The following BEND3 variants were observed in gnomAD, a reference collection of about 807,000 sequenced individuals.
BEND3 encodes BEN domain containing 3, also known as BEN domain-containing protein 3.
BEND3 carries 13 observed loss-of-function variants against 60.1 expected under a neutral mutation model. That is an observed-to-expected ratio of 0.22 (90% confidence interval 0.14 to 0.34). BEND3 has a LOEUF of 0.34. Among genes scored for constraint, BEND3 ranks in the 10% least tolerant of loss-of-function variants. The probability of loss-of-function intolerance (pLI) is 1.00; values close to 1 mark genes in which losing one functional copy is unlikely to be tolerated. For missense variants in BEND3, 896 were observed against 1,138.1 expected (o/e 0.79, Z 3.06); for synonymous variants, 497 against 491.5 (o/e 1.01, Z -0.15).
chr6:107,090,303 C>T (rs1554234980), intron 3 of BEND3, among the ~76,000 whole-genome samples: 1 of 152,036 alleles, frequency 6.6e-6, no homozygotes, highest in Non-Finnish European at 1.5e-5. Flanking sequence ...GAGCCAAGAT[C>T]GCACCACTGC....
At chr6:107,081,966 G>A (rs974874004) in intron 3 of BEND3, among the ~76,000 whole-genome samples, 1 of 152,118 alleles carries the variant, frequency 6.6e-6, no homozygotes, top group Non-Finnish European at 1.5e-5. Context: ...ACAACCTGAT[G>A]TACACATGGA....
chr6:107,096,729 T>C (rs1554235996), intron 3 of BEND3, among the ~76,000 whole-genome samples: 1 of 152,242 alleles, frequency 6.6e-6, no homozygotes, highest in Non-Finnish European at 1.5e-5. Context: ...GAGCTACTGC[T>C]AATGGGCAGG....
intron 1 of BEND3, among the ~76,000 whole-genome samples, chr6:107,110,369 G>A (rs1427032049): frequency 1.3e-5 from 2 of 152,234 alleles, no homozygotes; most frequent in Non-Finnish European, 1.5e-5. Context: ...TTTGACATGT[G>A]TGGGGAACTT....
chr6:107,111,528 G>GGA (rs1770088965), intron 1 of BEND3, among the ~76,000 whole-genome samples: 1 of 151,788 alleles, frequency 6.6e-6, no homozygotes, highest in East Asian at 1.9e-4. Context: ...AAAAAAGAGA[G>GGA]AGATAACACA....
chr6:107,088,506 G>A (rs932137857), intron 3 of BEND3, among the ~76,000 whole-genome samples: 5 of 151,832 alleles, frequency 3.3e-5, no homozygotes, highest in Non-Finnish European at 5.9e-5. Flanking sequence ...CATGATACAC[G>A]AGAAACAAAA....
In BEND3 at chr6:107,098,674, A is replaced by C; in HGVS notation, c.117T>G (p.Ser39=). 1.2e-6 allele frequency: 2 copies of C among 1,614,132 alleles called. No homozygotes were observed. Among genetic ancestry groups the C allele is most frequent in the Non-Finnish European group, 1.7e-6 (2 of 1,180,030 alleles). The change falls in exon 3 of 4, where the codon TCT becomes TCG. Residue 39 remains serine (S), a synonymous_variant. Transcript: ENST00000369042. ...ALDCSVNSRT[S]EKHSVDSVLT... The stretch of plus-strand genomic sequence containing the variant: ...GGACGCTGTCCACAGAGTGCTTCTC[A>C]GAAGTCCTGGAATTCACGGAGCAGT...
chr6:107,104,422 T>C (rs1390244839), intron 1 of BEND3, among the ~76,000 whole-genome samples: 1 of 152,204 alleles, frequency 6.6e-6, no homozygotes, highest in Non-Finnish European at 1.5e-5. Context: ...TTTCCCCATT[T>C]TTTACCAGGT....
At chr6:107,113,578 A>G (rs1770173804) in intron 1 of BEND3, among the ~76,000 whole-genome samples, 1 of 152,056 alleles carries the variant, frequency 6.6e-6, no homozygotes, top group African/African-American at 2.4e-5. Context: ...AGAATCCAAG[A>G]GGCTCTCTCC....
chr6:107,103,959 A>AAAAAGAAAG (rs1554237041), intron 1 of BEND3, among the ~76,000 whole-genome samples: 1 of 107,838 alleles, frequency 9.3e-6, no homozygotes, highest in Non-Finnish European at 1.9e-5. Flanking sequence ...AAAAAAAAAA[A>AAAAAGAAAG]AAAGAAAGAA....
rs984960832 is a variant in BEND3, at chr6:107,068,860, C to T, written c.2331G>A (p.Leu777=). The T allele has an allele frequency of 1.9e-6, 3 of 1,613,562 alleles. No individual in the cohort carries two copies. The African/African-American group carries it at 4.0e-5, about 22-fold the overall frequency. ...CTTCCACGTAGTGGCGGATGAGCCG[C>T]AGCCGCGTGGGGTCCAGTTGCTTCT... The part of the protein sequence containing the change: ...CNKKQLDPTR[L]RLIRHYVEAV... Residue 777 remains leucine (L), a synonymous_variant, in exon 4 of 4, where the codon CTG becomes CTA. Coordinates refer to ENST00000369042, the MANE Select transcript of BEND3 (RefSeq NM_001367314.1). This position sits in a 1 kb window ranked among gnomAD's most constrained non-coding sequence, Gnocchi z 5.8.
rs782606349 is a variant in BEND3, at chr6:107,070,699, G to A, written c.492C>T (p.Ser164=). ...ELFEKANASN[S]PSSLRLLNEP... ...CATTCAGGAGCCGCAGTGACGAGGGGCTGTTGCTGGCGTTTGCCTTCTCAA... is the reference window on the plus strand; with the variant it reads ...CATTCAGGAGCCGCAGTGACGAGGGACTGTTGCTGGCGTTTGCCTTCTCAA... Residue 164 remains serine, a synonymous_variant, in exon 4 of 4, where the codon AGC becomes AGT. Coordinates refer to ENST00000369042, the MANE Select transcript of BEND3 (RefSeq NM_001367314.1). This position sits in a 1 kb window ranked among gnomAD's most constrained non-coding sequence, Gnocchi z 6.9. 9.3e-6 allele frequency: 15 copies of A among 1,613,376 alleles called. No homozygotes were observed. The highest frequency in any genetic ancestry group is 2.2e-5 in the East Asian group (1 of 44,874).
chr6:107,098,056 TC>T (rs1554236243), intron 3 of BEND3, among the ~76,000 whole-genome samples: 1 of 152,074 alleles, frequency 6.6e-6, no homozygotes, highest in African/African-American at 2.4e-5. Context: ...ACGCCTGTAA[TC>T]CCAGCACTTT....
chr6:107,095,776 A>G (rs1775573635), intron 3 of BEND3, among the ~76,000 whole-genome samples: 2 of 152,248 alleles, frequency 1.3e-5, no homozygotes, highest in Admixed American at 1.3e-4. Context: ...ATTGCTAAGT[A>G]TAATAAACCA....
At position 107,070,559 on chromosome 6, in the gene BEND3, G is replaced by A; in HGVS notation, c.632C>T (p.Ser211Phe). ...YMLNTLTSNM[S>F]QLHSKVDLLS... ...CAGGTCCACCTTGCTGTGCAGCTGGGACATGTTGGACGTGAGGGTGTTCAG... is the reference window on the plus strand; with the variant it reads ...CAGGTCCACCTTGCTGTGCAGCTGGAACATGTTGGACGTGAGGGTGTTCAG... The change falls in exon 4 of 4, where the codon TCC becomes TTC. Residue 211 changes from serine to phenylalanine, a missense_variant. By Grantham distance (155) the Ser-to-Phe change is radical. Coordinates refer to ENST00000369042, the MANE Select transcript of BEND3 (RefSeq NM_001367314.1). This position sits in a 1 kb window ranked among gnomAD's most constrained non-coding sequence, Gnocchi z 6.9. 1 of 1,613,152 alleles carries A rather than the reference G, an allele frequency of 6.2e-7. No individual in the cohort carries two copies. The highest frequency in any genetic ancestry group is 8.5e-7 in the Non-Finnish European group (1 of 1,180,032).
At chr6:107,087,981 A>AC (rs1366490109) in intron 3 of BEND3, among the ~76,000 whole-genome samples, 1 of 150,418 alleles carries the variant, frequency 6.6e-6, no homozygotes, top group Non-Finnish European at 1.5e-5. Context: ...AAAAAAAAAA[A>AC]AACACTGTAA....
intron 3 of BEND3, among the ~76,000 whole-genome samples, chr6:107,072,046 C>G (rs1774994461): frequency 6.6e-6 from 1 of 152,160 alleles, no homozygotes; most frequent in East Asian, 1.9e-4. Context: ...CTGTTTTTGA[C>G]AAATGTTGAA....
intron 3 of BEND3, among the ~76,000 whole-genome samples, chr6:107,077,122 T>C (rs528221897): frequency 6.6e-6 from 1 of 152,278 alleles, no homozygotes; most frequent in African/African-American, 2.4e-5. Context: ...AGTATATGAA[T>C]TTCTAATGAT....
intron 1 of BEND3, among the ~76,000 whole-genome samples, chr6:107,100,636 TC>T (rs782032959): frequency 1.3e-5 from 2 of 152,072 alleles, no homozygotes; most frequent in African/African-American, 2.4e-5. Flanking sequence ...CCTGCCTGCC[TC>T]AGCTGGAATG....
chr6:107,111,211 T>C (rs1554238351), intron 1 of BEND3, among the ~76,000 whole-genome samples: 1 of 151,892 alleles, frequency 6.6e-6, no homozygotes, highest in Non-Finnish European at 1.5e-5. Context: ...TATCATTCTA[T>C]GAAAGATAAC....
Sources: allele counts gnomAD v4.1 joint callset (sites outside exome capture counted in the v4.1 genomes callset), GRCh38; gene constraint gnomAD v4.1.1; non-coding constraint Gnocchi (gnomAD v3.1); transcripts MANE v1.5; gene names NCBI Gene and HGNC (gene_info 2026-07-23, HGNC 2026-07-21).